Variants in TMCO4 observed in about 807,000 individuals in gnomAD.
TMCO4 encodes the protein transmembrane and coiled-coil domains 4.
In TMCO4, 58 loss-of-function variants were observed where a neutral mutation model predicts 64.7. The observed-to-expected ratio is 0.90, with a 90% confidence interval of 0.73 to 1.12. TMCO4 has a LOEUF of 1.12. Among genes scored for constraint, TMCO4 ranks in the 50% most tolerant of loss-of-function variants. The probability of loss-of-function intolerance (pLI) is 0.00; values close to 1 mark genes in which losing one functional copy is unlikely to be tolerated. For synonymous variants in TMCO4, 325 were observed against 346.1 expected (o/e 0.94, Z 0.68); for missense variants, 780 against 825.9 (o/e 0.94, Z 0.68).
intron 10 of TMCO4, among the ~76,000 whole-genome samples, chr1:19,744,362 C>T (rs1054060735): frequency 6.6e-6 from 1 of 152,176 alleles, no homozygotes; most frequent in East Asian, 1.9e-4. Context: ...TTCATGCCAA[C>T]GAGAAACCAC....
At chr1:19,776,385 G>A (rs1161832950) in intron 4 of TMCO4, among the ~76,000 whole-genome samples, 1 of 152,176 alleles carries the variant, frequency 6.6e-6, no homozygotes, top group Non-Finnish European at 1.5e-5. Context: ...GAGTGGGGGT[G>A]GGAGACACAG....
chr1:19,737,602 G>A (rs1179902949), intron 12 of TMCO4, 146 bp from the exon 13 acceptor site: 2 of 622,650 alleles, frequency 3.2e-6, no homozygotes, highest in African/African-American at 1.8e-5. Flanking sequence ...GTCCCTGAGC[G>A]CTGATGTCTT....
intron 3 of TMCO4, among the ~76,000 whole-genome samples, chr1:19,783,836 C>G (rs2043602481): frequency 6.6e-6 from 1 of 152,222 alleles, no homozygotes; most frequent in Non-Finnish European, 1.5e-5. Flanking sequence ...AGGTTAAGAC[C>G]TCGCCCAAAG....
rs766525079 is a variant in TMCO4 at position 19,734,985 on chromosome 1, A to C, written c.1264+2387T>G. Among the ~76,000 whole-genome samples, 8 of 152,118 alleles carry C rather than the reference A, an allele frequency of 5.3e-5. No homozygotes were observed. The highest frequency in any genetic ancestry group is 1.0e-4 in the Non-Finnish European group (7 of 68,000). ...TCGTGGGCACAGCAGCATGTGCCTGATTCCCTCACCCAAAGTCCAGCTCCT... is the reference window on the plus strand; with the variant it reads ...TCGTGGGCACAGCAGCATGTGCCTGCTTCCCTCACCCAAAGTCCAGCTCCT... On this transcript the variant is annotated intron_variant, in intron 13 of 15. Coordinates refer to ENST00000294543, the MANE Select transcript of TMCO4 (RefSeq NM_181719.7). The surrounding 1 kb of genome is among the most constrained non-coding windows in gnomAD (Gnocchi z 4.4).
chr1:19,762,917 C>A (rs61768300), intron 6 of TMCO4, among the ~76,000 whole-genome samples: 1 of 152,060 alleles, frequency 6.6e-6, no homozygotes, highest in Admixed American at 6.5e-5. Flanking sequence ...CAGACCAAAG[C>A]GAAGGAACCC....
At chr1:19,751,057 G>GT (rs2042002260) in intron 7 of TMCO4, among the ~76,000 whole-genome samples, 1 of 152,208 alleles carries the variant, frequency 6.6e-6, no homozygotes, top group Non-Finnish European at 1.5e-5. Context: ...GGATTCTGCT[G>GT]TAACTCAAGT....
intron 2 of TMCO4, among the ~76,000 whole-genome samples, chr1:19,792,139 C>G (rs555763151): frequency 6.6e-6 from 1 of 152,168 alleles, no homozygotes; most frequent in Non-Finnish European, 1.5e-5. Context: ...TTATAAATTA[C>G]CCAGTCTCGG....
At chr1:19,762,450 C>T (rs1001444576) in intron 6 of TMCO4, among the ~76,000 whole-genome samples, 1 of 152,220 alleles carries the variant, frequency 6.6e-6, no homozygotes, top group Admixed American at 6.5e-5. Context: ...AGACACACAA[C>T]CACATACTGT....
chr1:19,731,635 C>T (rs2095430368), intron 13 of TMCO4, among the ~76,000 whole-genome samples: 4 of 152,242 alleles, frequency 2.6e-5, no homozygotes, highest in Admixed American at 6.5e-5. Flanking sequence ...GTCCTGCAAG[C>T]GCCTGGTGCT....
At chr1:19,725,928 C>A (rs1043578087) in intron 13 of TMCO4, among the ~76,000 whole-genome samples, 10 of 152,194 alleles carry the variant, frequency 6.6e-5, no homozygotes, top group African/African-American at 2.4e-4. Flanking sequence ...GCTGAGGAGT[C>A]CACTTTGCCA....
chr1:19,710,903 T>C (rs922053968), intron 13 of TMCO4, among the ~76,000 whole-genome samples: 7 of 152,210 alleles, frequency 4.6e-5, no homozygotes, highest in African/African-American at 1.7e-4. Flanking sequence ...TGGTAATCTC[T>C]AGCACATGTG....
At chr1:19,699,017 A>G (rs2095254382) in intron 14 of TMCO4, among the ~76,000 whole-genome samples, 1 of 152,198 alleles carries the variant, frequency 6.6e-6, no homozygotes, top group Non-Finnish European at 1.5e-5. Flanking sequence ...TAACACGGTG[A>G]AACCCCATCT....
chr1:19,683,324 C>T lies in TMCO4; in HGVS notation c.1621G>A (p.Glu541Lys), dbSNP rs138277488. ...GCAGCTGCTGCCTGGCGAGGCTCCT[C>T]GGAGGGCAGGCAGCCTGGGGCCAGC... Reference protein sequence around the residue: ...LLLAPGCLPSEEPRQAAAAAS... With the variant: ...LLLAPGCLPSKEPRQAAAAAS... Residue 541 changes from glutamate (E) to lysine (K), a missense_variant, in exon 16 of 16, where the codon GAG (glutamate) becomes AAG (lysine). Coordinates refer to ENST00000294543, the MANE Select transcript of TMCO4 (RefSeq NM_181719.7). 9.9e-6 allele frequency: 16 copies of T among 1,613,788 alleles called. No individual in the cohort carries two copies. Among genetic ancestry groups the T allele is most frequent in the South Asian group, 2.2e-5 (2 of 91,070 alleles).
At chr1:19,786,509 TA>T (rs1275902115) in intron 3 of TMCO4, among the ~76,000 whole-genome samples, 1 of 152,146 alleles carries the variant, frequency 6.6e-6, no homozygotes. Flanking sequence ...AGAAACACTT[TA>T]GAAGAACCAA....
chr1:19,706,475 T>C (rs2095303855), intron 13 of TMCO4, among the ~76,000 whole-genome samples: 1 of 152,224 alleles, frequency 6.6e-6, no homozygotes, highest in Non-Finnish European at 1.5e-5. Context: ...AGGAGAGCCC[T>C]ATATAGCTTT....
intron 13 of TMCO4, among the ~76,000 whole-genome samples, chr1:19,709,484 G>A (rs759476964): frequency 2.0e-5 from 3 of 152,166 alleles, no homozygotes; most frequent in Non-Finnish European, 4.4e-5. Context: ...CCAGCTGACC[G>A]AGTGACAGTC....
chr1:19,737,542 A>G lies in TMCO4; in HGVS notation c.1180-86T>C, dbSNP rs1421498082. ...GGCCTGAGGAGGGCAGCCTTTGCAC[A>G]TTCCTTACCACCTGATTCTCATCTA... On this transcript the variant is annotated intron_variant, in intron 12 of 15. Transcript: ENST00000294543. The G allele has an allele frequency of 3.4e-6, 4 of 1,170,302 alleles. No homozygotes were observed. In the African/African-American group the frequency reaches 6.0e-5, roughly 18 times the overall value. The allele number at this position is 1,170,302 out of a possible 1,614,324, so 72.5% of individuals were successfully genotyped here.
Position 19,734,201 on chromosome 1 carries a change from G to A in TMCO4, c.1264+3171C>T, listed in dbSNP as rs1255162298. 2.6e-5 allele frequency among the ~76,000 whole-genome samples: 4 copies of A among 152,152 alleles called. No individual in the cohort carries two copies. Among genetic ancestry groups the A allele is most frequent in the South Asian group, 2.1e-4 (1 of 4,822 alleles). On this transcript the variant is annotated intron_variant, in intron 13 of 15. Coordinates refer to ENST00000294543, the MANE Select transcript of TMCO4 (RefSeq NM_181719.7). The surrounding 1 kb of genome is among the most constrained non-coding windows in gnomAD (Gnocchi z 4.4). ...AATAGAGCTTGGTCTGCTGGAGCCC[G>A]GCATGTGAGGTGGAGAGAGGCGGGG...
At chr1:19,740,350 C>T (rs545942592) in intron 11 of TMCO4, among the ~76,000 whole-genome samples, 5 of 152,178 alleles carry the variant, frequency 3.3e-5, no homozygotes, top group African/African-American at 2.4e-5. Context: ...TAGCCTCTTG[C>T]GCTTCTATCA....
Sources: gnomAD v4.1 joint callset for allele counts (sites outside exome capture counted in the v4.1 genomes callset) on GRCh38, gnomAD v4.1.1 for gene constraint, Gnocchi (gnomAD v3.1) non-coding constraint, MANE v1.5 for transcripts, NCBI Gene and HGNC (gene_info 2026-07-23, HGNC 2026-07-21) for gene names.